LRRFIP1: variants seen among roughly 807,000 people sequenced by gnomAD.
LRRFIP1 encodes the protein LRR binding FLII interacting protein 1.
LRRFIP1 carries 62 observed loss-of-function variants against 104.4 expected under a neutral mutation model. That is an observed-to-expected ratio of 0.59 (90% CI 0.48 to 0.73). LRRFIP1 has a LOEUF of 0.73. Ranked by LOEUF, LRRFIP1 falls within the 30% of genes least tolerant of loss-of-function variation. The pLI, the probability that LRRFIP1 is intolerant of heterozygous loss-of-function variation, is 0.00. For synonymous variants in LRRFIP1, 300 were observed against 299.0 expected, an observed-to-expected ratio of 1.00 and a Z score of -0.03; for missense variants, 796 against 824.5, an observed-to-expected ratio of 0.97 and a Z score of 0.42.
At chr2:237,637,378 GA>G (rs1237335867) in intron 1 of LRRFIP1, among the ~76,000 whole-genome samples, 13 of 152,170 alleles carry the variant, frequency 8.5e-5, no homozygotes, top group African/African-American at 2.4e-5. Context: ...TGAGGCAGGA[GA>G]ATTGCTTGAA....
chr2:237,728,305 C>T (rs747816391), intron 8 of LRRFIP1, among the ~76,000 whole-genome samples: 1 of 152,142 alleles, frequency 6.6e-6, no homozygotes, highest in African/African-American at 2.4e-5. Flanking sequence ...CCAACATTTT[C>T]GCAGTCTCCA....
At chr2:237,713,146 AC>A in intron 2 of LRRFIP1, among the ~76,000 whole-genome samples, 1 of 151,602 alleles carries the variant, frequency 6.6e-6, no homozygotes, top group South Asian at 2.1e-4. Context: ...TGGAGCGTGT[AC>A]GGAGAGGGGA....
chr2:237,685,692 T>C lies in LRRFIP1; in HGVS notation c.97-22852T>C, dbSNP rs527527200. ...CTCCCCGCTCCCCACACCCAGCCTT[T>C]GGTCGGCAGCCCCTCAGGCCTTGCC... On this transcript the variant is annotated intron_variant, in intron 1 of 23. Coordinates refer to ENST00000308482, the MANE Select transcript of LRRFIP1 (RefSeq NM_001137550.2). 7.4e-4 allele frequency among the ~76,000 whole-genome samples: 112 copies of C among 152,302 alleles called. 3 individuals are homozygous for C. The South Asian group carries it at 0.023, about 31-fold the overall frequency.
Position 237,760,134 on chromosome 2 carries a change from G to T in LRRFIP1, c.1388G>T (p.Gly463Val). The T allele has an allele frequency of 1.2e-6, 2 of 1,613,918 alleles. No homozygotes were observed. The highest frequency in any genetic ancestry group is 1.7e-6 in the Non-Finnish European group (2 of 1,179,860). Residue 463 changes from glycine to valine, a missense_variant, in exon 19 of 24, where the codon GGA becomes GTA. Transcript: ENST00000308482. ...GETSDTLNNV[G>V]YQGPTKMTKE... is the part of the protein sequence containing the mutation. ...ACTTCCGACACCCTCAATAATGTTG[G>T]ATACCAAGGTCCTACCAAGATGACA...
chr2:237,770,086 G>A, intron 20 of LRRFIP1, 94 bp downstream of exon 20: 1 of 967,278 alleles, frequency 1.0e-6, no homozygotes. Flanking sequence ...AAACCCCTAA[G>A]TTAATCATGT....
chr2:237,710,001 C>T (rs1214491769), intron 2 of LRRFIP1, among the ~76,000 whole-genome samples: 1 of 151,812 alleles, frequency 6.6e-6, no homozygotes, highest in African/African-American at 2.4e-5. Context: ...TATAGGTGCG[C>T]ACCACCATGC....
rs779956143 is a variant in LRRFIP1 at position 237,769,924 on chromosome 2, G to T, written c.1460-19G>T. 1.9e-6 allele frequency: 3 copies of T among 1,586,176 alleles called. No homozygotes were observed. In the Admixed American group the frequency reaches 5.3e-5, roughly 28 times the overall value. On this transcript the variant is annotated intron_variant, in intron 19 of 23. Coordinates refer to ENST00000308482, the MANE Select transcript of LRRFIP1 (RefSeq NM_001137550.2). ...GGCACGCGGATTCACCTAAACCTGT[G>T]TCTTTGTGATTTCTTTAGATATTAG... is the stretch of plus-strand genomic sequence containing the variant.
At chr2:237,733,039 C>T (rs573278436) in intron 8 of LRRFIP1, among the ~76,000 whole-genome samples, 2 of 152,296 alleles carry the variant, frequency 1.3e-5, no homozygotes, top group East Asian at 3.9e-4. Flanking sequence ...CCTTGCATGT[C>T]GACTGGAGCT....
chr2:237,727,240 C>T (rs2094793746), intron 7 of LRRFIP1, among the ~76,000 whole-genome samples: 2 of 151,836 alleles, frequency 1.3e-5, no homozygotes, highest in African/African-American at 4.8e-5. Flanking sequence ...CCTGTAATCC[C>T]AGCTACTCAG....
At chr2:237,772,279 A>T (rs1197920917) in intron 21 of LRRFIP1, 81 bp downstream of exon 21, 1 of 1,106,312 alleles carries the variant, frequency 9.0e-7, no homozygotes, top group Non-Finnish European at 1.4e-6. Context: ...GAAAACTGTC[A>T]CGGCAAAGAA....
At chr2:237,777,022 A>G (rs2061151711) in intron 23 of LRRFIP1, among the ~76,000 whole-genome samples, 1 of 151,974 alleles carries the variant, frequency 6.6e-6, no homozygotes, top group African/African-American at 2.4e-5. Context: ...CACATGGGGT[A>G]TTTTTATTTA....
At chr2:237,779,297 T>G (rs1025498168) in intron 23 of LRRFIP1, 125 bp from the exon 24 acceptor site, 40 of 1,406,368 alleles carry the variant, frequency 2.8e-5, no homozygotes, top group Admixed American at 1.0e-4. Context: ...AAGGGCATCA[T>G]GAGGGACCAG....
intron 1 of LRRFIP1, among the ~76,000 whole-genome samples, chr2:237,644,313 G>A (rs2084523401): frequency 6.6e-6 from 1 of 152,250 alleles, no homozygotes; most frequent in African/African-American, 2.4e-5. Flanking sequence ...TTGGACCAAG[G>A]TTTGTAGAAC....
chr2:237,754,122 G>A (rs1214085556), intron 15 of LRRFIP1, among the ~76,000 whole-genome samples: 1 of 152,088 alleles, frequency 6.6e-6, no homozygotes, highest in African/African-American at 2.4e-5. Context: ...CTCAGATAAG[G>A]TGCGATCAGA....
chr2:237,720,290 C>T (rs2094494181), intron 5 of LRRFIP1, among the ~76,000 whole-genome samples: 1 of 151,168 alleles, frequency 6.6e-6, no homozygotes, highest in Non-Finnish European at 1.5e-5. Flanking sequence ...CTCTATTGCC[C>T]AGGCTGGAGT....
chr2:237,712,090 G>A (rs551996981), intron 2 of LRRFIP1, among the ~76,000 whole-genome samples: 2 of 152,336 alleles, frequency 1.3e-5, no homozygotes, highest in East Asian at 1.9e-4. Context: ...AGCTCCTGCC[G>A]TGTGGCAGAG....
At chr2:237,675,119 C>T (rs1157515234) in intron 1 of LRRFIP1, among the ~76,000 whole-genome samples, 1 of 152,234 alleles carries the variant, frequency 6.6e-6, no homozygotes, top group Non-Finnish European at 1.5e-5. Flanking sequence ...CCACCCTCAC[C>T]AGTCCCTCCT....
chr2:237,643,536 G>A (rs141643465), intron 1 of LRRFIP1, among the ~76,000 whole-genome samples: 10 of 152,338 alleles, frequency 6.6e-5, no homozygotes, highest in African/African-American at 1.7e-4. Flanking sequence ...GGTCATAACC[G>A]TTACCATTGC....
chr2:237,751,603 CT>C (rs1249196509), intron 14 of LRRFIP1, among the ~76,000 whole-genome samples: 1 of 152,222 alleles, frequency 6.6e-6, no homozygotes, highest in Non-Finnish European at 1.5e-5. Flanking sequence ...GAAGAAGGTT[CT>C]TGGTTTTCTT....
Sources: allele counts gnomAD v4.1 joint callset (sites outside exome capture counted in the v4.1 genomes callset), GRCh38; gene constraint gnomAD v4.1.1; transcripts MANE v1.5; gene names NCBI Gene and HGNC (gene_info 2026-07-23, HGNC 2026-07-21).